The following SAMMSON variants were observed in gnomAD, a reference collection of about 807,000 sequenced individuals.
The protein encoded by SAMMSON is long intergenic non-protein coding RNA 1212.
At chr3:70,148,872 C>T (rs771958459) in intron 4 of SAMMSON, among the ~76,000 whole-genome samples, 8 of 152,028 alleles carry the variant, frequency 5.3e-5, no homozygotes, top group Non-Finnish European at 1.2e-4. Context: ...AGCATGATTC[C>T]TGCAGAAAGC....
intron 4 of SAMMSON, among the ~76,000 whole-genome samples, chr3:70,243,220 A>G (rs1041337177): frequency 2.0e-5 from 3 of 152,082 alleles, no homozygotes; most frequent in African/African-American, 7.2e-5. Flanking sequence ...GGGGGCTGTG[A>G]CACAATTTTC....
intron 4 of SAMMSON, among the ~76,000 whole-genome samples, chr3:70,175,741 A>C (rs1701004648): frequency 6.6e-6 from 1 of 152,146 alleles, no homozygotes; most frequent in Admixed American, 6.6e-5. Flanking sequence ...ATAATGGCTT[A>C]GAATGACTTA....
intron 4 of SAMMSON, among the ~76,000 whole-genome samples, chr3:70,176,605 A>G (rs1701011967): frequency 6.6e-6 from 1 of 152,144 alleles, no homozygotes. Context: ...CCCCTACTTA[A>G]ACGACTTTTC....
downstream of SAMMSON, among the ~76,000 whole-genome samples, chr3:70,392,027 G>A (rs570390701): frequency 7.2e-5 from 11 of 152,136 alleles, no homozygotes; most frequent in South Asian, 4.1e-4. Context: ...ACAAATGGCC[G>A]CCTTCCTGTG....
intron 2 of SAMMSON, among the ~76,000 whole-genome samples, chr3:70,396,490 A>G (rs1253123803): frequency 6.6e-6 from 1 of 152,232 alleles, no homozygotes; most frequent in East Asian, 1.9e-4. Flanking sequence ...TTTGAGGACC[A>G]CACACTATGT....
chr3:70,331,253 A>G (rs1702619453), intron 7 of SAMMSON, among the ~76,000 whole-genome samples: 1 of 152,082 alleles, frequency 6.6e-6, no homozygotes. Flanking sequence ...TTTCCTGCCG[A>G]TGTCAACCCA....
intron 4 of SAMMSON, among the ~76,000 whole-genome samples, chr3:70,243,623 G>A (rs533204037): frequency 1.1e-4 from 17 of 152,258 alleles, no homozygotes; most frequent in Admixed American, 2.6e-4. Context: ...ATTCTGGGTT[G>A]GGTGGCAGCG....
chr3:70,359,279 G>C (rs1702853638), intron 9 of SAMMSON, among the ~76,000 whole-genome samples: 1 of 152,184 alleles, frequency 6.6e-6, no homozygotes, highest in Non-Finnish European at 1.5e-5. Context: ...AGAAGCCCAA[G>C]TACTCAAGAA....
intron 3 of SAMMSON, among the ~76,000 whole-genome samples, chr3:70,026,347 A>C (rs2067036993): frequency 6.6e-6 from 1 of 152,050 alleles, no homozygotes; most frequent in African/African-American, 2.4e-5. Context: ...AATTTATTTT[A>C]TTCATTTTTT....
At chr3:70,180,352 A>G (rs904997653) in intron 4 of SAMMSON, among the ~76,000 whole-genome samples, 1 of 152,146 alleles carries the variant, frequency 6.6e-6, no homozygotes, top group Non-Finnish European at 1.5e-5. Flanking sequence ...TCCAATAATA[A>G]CAACAATAAT....
At chr3:70,185,779 T>G (rs1327648146) in intron 4 of SAMMSON, among the ~76,000 whole-genome samples, 1 of 136,598 alleles carries the variant, frequency 7.3e-6, no homozygotes, top group Non-Finnish European at 1.5e-5. Context: ...GAGGGTTGCT[T>G]GAGCAGCATA....
At chr3:70,131,436 A>G (rs2067482267) in intron 4 of SAMMSON, among the ~76,000 whole-genome samples, 1 of 152,180 alleles carries the variant, frequency 6.6e-6, no homozygotes, top group Non-Finnish European at 1.5e-5. Flanking sequence ...CTTATTTACT[A>G]GACTATGAAA....
intron 3 of SAMMSON, among the ~76,000 whole-genome samples, chr3:70,063,483 A>G (rs2067198158): frequency 6.6e-6 from 1 of 151,994 alleles, no homozygotes; most frequent in Non-Finnish European, 1.5e-5. Context: ...CCTTCTTGAG[A>G]TCCCCATCAG....
intron 4 of SAMMSON, among the ~76,000 whole-genome samples, chr3:70,074,180 T>C (rs1266899102): frequency 6.6e-6 from 1 of 152,090 alleles, no homozygotes; most frequent in Non-Finnish European, 1.5e-5. Context: ...TGTTTTGTTT[T>C]GCCTATTCAC....
chr3:70,207,159 G>A (rs1332950512), intron 4 of SAMMSON, among the ~76,000 whole-genome samples: 1 of 151,616 alleles, frequency 6.6e-6, no homozygotes, highest in Non-Finnish European at 1.5e-5. Flanking sequence ...AAAAGGATAA[G>A]GATCTTATGT....
chr3:70,235,313 G>T (rs913915880), intron 4 of SAMMSON, among the ~76,000 whole-genome samples: 1 of 152,036 alleles, frequency 6.6e-6, no homozygotes, highest in Non-Finnish European at 1.5e-5. Flanking sequence ...TAAATCCTTT[G>T]TGCACTATTT....
chr3:70,396,301 T>C (rs1438350795), intron 2 of SAMMSON, among the ~76,000 whole-genome samples: 2 of 152,202 alleles, frequency 1.3e-5, no homozygotes, highest in Non-Finnish European at 2.9e-5. Flanking sequence ...GCTAGGTCAA[T>C]GTAAGGGATT....
intron 2 of SAMMSON, among the ~76,000 whole-genome samples, chr3:70,414,425 A>C (rs934252730): frequency 3.3e-5 from 5 of 152,164 alleles, no homozygotes; most frequent in African/African-American, 1.2e-4. Flanking sequence ...ATAAATAACC[A>C]ACCTATTACA....
intron 2 of SAMMSON, among the ~76,000 whole-genome samples, chr3:70,412,808 T>G (rs1701230401): frequency 6.6e-6 from 1 of 152,152 alleles, no homozygotes; most frequent in Non-Finnish European, 1.5e-5. Context: ...TAGGCTAAAG[T>G]TGTTCTTAAG....
Sources: gnomAD v4.1 joint callset for allele counts (sites outside exome capture counted in the v4.1 genomes callset) on GRCh38, gnomAD v4.1.1 for gene constraint, MANE v1.5 for transcripts, NCBI Gene and HGNC (gene_info 2026-07-23, HGNC 2026-07-21) for gene names.